KCNIP1: variants seen among roughly 807,000 people sequenced by gnomAD.
The protein encoded by KCNIP1 is potassium voltage-gated channel interacting protein 1, also known as A-type potassium channel modulatory protein KCNIP1.
A neutral mutation model predicts 33.0 loss-of-function variants in KCNIP1; 18 were observed. The observed-to-expected ratio is 0.55, with a 90% CI of 0.38 to 0.81. The LOEUF (loss-of-function observed/expected upper bound fraction) is 0.81. KCNIP1 is among the 30% of genes least tolerant of loss of function. The pLI is 0.00. For synonymous variants in KCNIP1, 93 were observed against 98.3 expected (o/e 0.95, Z 0.32); for missense variants, 238 against 271.6 (o/e 0.88, Z 0.87).
chr5:170,705,642 T>C (rs539932850), intron 1 of KCNIP1, among the ~76,000 whole-genome samples: 1 of 152,332 alleles, frequency 6.6e-6, no homozygotes, highest in East Asian at 1.9e-4. Context: ...GGCCATTACC[T>C]TTAACATAAA....
chr5:170,511,972 C>G (rs965008647), intron 1 of KCNIP1, among the ~76,000 whole-genome samples: 3 of 152,216 alleles, frequency 2.0e-5, no homozygotes, highest in Admixed American at 6.5e-5. Flanking sequence ...CACGGAACAA[C>G]TGAGCTACGT....
intron 1 of KCNIP1, among the ~76,000 whole-genome samples, chr5:170,521,346 G>C (rs1451279466): frequency 6.6e-6 from 1 of 152,196 alleles, no homozygotes; most frequent in Non-Finnish European, 1.5e-5. Context: ...TTCTCACCAA[G>C]TCCATGTTCA....
intron 5 of KCNIP1, among the ~76,000 whole-genome samples, chr5:170,726,802 T>A (rs11748787): frequency 0.23 from 33,681 of 147,456 alleles, 5,165 homozygotes; most frequent in East Asian, 0.82. Context: ...TCCCAGCTAC[T>A]AGGGAGGCTG....
chr5:170,471,861 T>C (rs1211713445), intron 1 of KCNIP1, among the ~76,000 whole-genome samples: 1 of 152,212 alleles, frequency 6.6e-6, no homozygotes, highest in Non-Finnish European at 1.5e-5. Context: ...TTCATTTTAA[T>C]AAAACTTAAT....
In KCNIP1 at chr5:170,390,517, A is replaced by AAAATATATATATATATATATAT; in HGVS notation, c.88+36554_88+36555insAATATATATATATATATATATA. Among the ~76,000 whole-genome samples the AAAATATATATATATATATATAT allele has an allele frequency of 3.2e-4, 24 of 74,466 alleles. 1 individual carries two copies. Among genetic ancestry groups the AAAATATATATATATATATATAT allele is most frequent in the African/African-American group, 9.0e-4 (14 of 15,542 alleles). The allele number at this position is 74,466 out of a possible 152,430, so 48.9% of individuals were successfully genotyped here. A position where few individuals can be genotyped will look rare whatever the true frequency, so the allele number is the denominator to read the frequency against. ...GACCCCGTCTCAAAAAAAAAAAACA[A>AAAATATATATATATATATATAT]ATATATATATATATATATATATTTT... On this transcript the variant is annotated intron_variant, in intron 1 of 7. Transcript: ENST00000377360.
intron 1 of KCNIP1, chr5:170,561,231 G>C (rs150689679): frequency 2.5e-6 from 1 of 405,630 alleles, no homozygotes; most frequent in Admixed American, 2.5e-5. Flanking sequence ...GAAAGTCCCC[G>C]CTCTGCTTGG....
upstream of KCNIP1, among the ~76,000 whole-genome samples, chr5:170,503,377 G>C (rs192834392): frequency 1.7e-3 from 249 of 144,932 alleles, 3 homozygotes; most frequent in African/African-American, 6.4e-3. Context: ...CTGGGCAACA[G>C]AGCGAGACTC....
rs1763498720 is a variant in KCNIP1, at chr5:170,361,050, G to A, written c.88+7086G>A. ...AGGGTCAGTGCAAACAAGACCAAAG[G>A]CCTGTTCCTGCCCCCATTCCGCTCT... On this transcript the variant is annotated intron_variant, in intron 1 of 7. Transcript: ENST00000377360. 2.6e-5 allele frequency among the ~76,000 whole-genome samples: 4 copies of A among 152,206 alleles called. No homozygotes were observed. The South Asian group carries it at 8.3e-4, about 31-fold the overall frequency.
chr5:170,504,339 T>C lies in KCNIP1; in HGVS notation c.-234T>C. 7.2e-7 allele frequency: 1 copy of C among 1,383,372 alleles called. No individual in the cohort carries two copies. The highest frequency in any genetic ancestry group is 1.5e-5 in the African/African-American group (1 of 67,222). The allele number at this position is 1,383,372 out of a possible 1,614,324, so 85.7% of individuals were successfully genotyped here. The stretch of plus-strand genomic sequence containing the variant: ...GCCGGGTCCTCGCGCGGGGAAGCGG[T>C]TCCGAAGGCTCGCGGGGAGCGGCTA... On this transcript the variant is annotated 5_prime_UTR_variant, in exon 1 of 8. Coordinates refer to ENST00000328939, the MANE Select transcript of KCNIP1 (RefSeq NM_014592.4). This position sits in a 1 kb window ranked among gnomAD's most constrained non-coding sequence, Gnocchi z 6.0.
chr5:170,597,820 T>TATATATATATATATATATATATGAAA (rs1441774904), intron 1 of KCNIP1, among the ~76,000 whole-genome samples: 20 of 56,302 alleles, frequency 3.6e-4, no homozygotes, highest in East Asian at 8.2e-4. Context: ...TATATATATA[T>TATATATATATATATATATATATGAAA]ATATATATAT....
At chr5:170,370,153 G>A (rs538791056) in intron 1 of KCNIP1, among the ~76,000 whole-genome samples, 13 of 152,250 alleles carry the variant, frequency 8.5e-5, no homozygotes, top group Admixed American at 5.9e-4. Context: ...CAAGAGAGGC[G>A]GGAAGTTGCT....
intron 1 of KCNIP1, among the ~76,000 whole-genome samples, chr5:170,485,150 G>A (rs1757061386): frequency 6.6e-6 from 1 of 152,076 alleles, no homozygotes; most frequent in African/African-American, 2.4e-5. Context: ...ATGTTGGTCA[G>A]GCTAGTCTCA....
At chr5:170,535,351 T>A (rs1755947247) in intron 1 of KCNIP1, among the ~76,000 whole-genome samples, 1 of 152,182 alleles carries the variant, frequency 6.6e-6, no homozygotes, top group Non-Finnish European at 1.5e-5. Context: ...GAGCCTTCTT[T>A]AATGTCAATA....
intron 1 of KCNIP1, chr5:170,376,474 G>A (rs1029163526): frequency 3.3e-5 from 5 of 152,050 alleles, no homozygotes; most frequent in African/African-American, 9.7e-5. Flanking sequence ...ACTTTTTCTT[G>A]TTACTAACAA....
At chr5:170,515,424 C>T (rs1014894267) in intron 1 of KCNIP1, among the ~76,000 whole-genome samples, 1 of 152,154 alleles carries the variant, frequency 6.6e-6, no homozygotes, top group Admixed American at 6.5e-5. Context: ...AAGTCTGGTT[C>T]CCATCTGCCT....
intron 1 of KCNIP1, among the ~76,000 whole-genome samples, chr5:170,539,623 G>C (rs747073157): frequency 1.3e-5 from 2 of 152,108 alleles, no homozygotes; most frequent in Non-Finnish European, 2.9e-5. Flanking sequence ...CCAACCTAAA[G>C]TATCTTGTGA....
intron 1 of KCNIP1, among the ~76,000 whole-genome samples, chr5:170,516,865 T>C (rs1185951250): frequency 2.0e-5 from 3 of 152,238 alleles, no homozygotes; most frequent in African/African-American, 7.2e-5. Flanking sequence ...ATGAATGTGT[T>C]TAGTAAGCTA....
intron 1 of KCNIP1, among the ~76,000 whole-genome samples, chr5:170,657,892 A>G (rs1384240873): frequency 1.3e-5 from 2 of 152,190 alleles, no homozygotes; most frequent in East Asian, 3.9e-4. Flanking sequence ...AGAAATGAAT[A>G]TAATACCCAG....
chr5:170,576,169 G>A (rs79269189), intron 1 of KCNIP1, among the ~76,000 whole-genome samples: 4,717 of 152,152 alleles, frequency 0.031, 235 homozygotes, highest in African/African-American at 0.11. Flanking sequence ...AATGGATACC[G>A]GCTATCAGTT....
Sources: allele counts gnomAD v4.1 joint callset (sites outside exome capture counted in the v4.1 genomes callset), GRCh38; gene constraint gnomAD v4.1.1; non-coding constraint Gnocchi (gnomAD v3.1); transcripts MANE v1.5; gene names NCBI Gene and HGNC (gene_info 2026-07-23, HGNC 2026-07-21).